AMPH: variants seen among roughly 807,000 people sequenced by gnomAD.
AMPH encodes amphiphysin (Stiff-Mann syndrome with breast cancer 128kD autoantigen).
A neutral mutation model predicts 99.1 loss-of-function variants in AMPH; 49 were observed. That is an observed-to-expected ratio of 0.49 (90% CI 0.39 to 0.63). AMPH has a LOEUF of 0.63. AMPH is among the 20% of genes least tolerant of loss of function. AMPH has a pLI of 0.00. For missense variants in AMPH, 759 were observed against 863.4 expected, an observed-to-expected ratio of 0.88 and a Z score of 1.52; for synonymous variants, 314 against 317.3, an observed-to-expected ratio of 0.99 and a Z score of 0.11.
intron 2 of AMPH, among the ~76,000 whole-genome samples, chr7:38,519,726 C>A (rs1469921137): frequency 6.6e-6 from 1 of 152,082 alleles, no homozygotes; most frequent in African/African-American, 2.4e-5. Flanking sequence ...CTCTGTAGTC[C>A]AGGTTAGGAT....
intron 17 of AMPH, among the ~76,000 whole-genome samples, chr7:38,404,043 C>T (rs116249376): frequency 5.6e-4 from 85 of 152,236 alleles, no homozygotes; most frequent in African/African-American, 1.8e-3. Context: ...AGAAGCTGTG[C>T]CCCAAGGCCA....
intron 11 of AMPH, among the ~76,000 whole-genome samples, chr7:38,446,002 A>G (rs747046151): frequency 3.9e-5 from 6 of 152,192 alleles, no homozygotes; most frequent in African/African-American, 1.4e-4. Flanking sequence ...TGCCTTTGCC[A>G]TGAATAAAAG....
chr7:38,394,151 G>A lies in AMPH; in HGVS notation c.1462C>T (p.Pro488Ser). ...TTCTCCGCCTCTGCTTCCTCTCCTG[G>A]GGCCCCCTCAGCTGCTGACACCAAG... ...GTLVSAAEGA[P>S]GEEAEAEKAT... Residue 488 changes from proline (P) to serine (S), a missense_variant, in exon 18 of 21, where the codon CCA (proline) becomes TCA (serine). By Grantham distance (74) the Pro-to-Ser change is moderately conservative. Transcript: ENST00000356264. The A allele has an allele frequency of 6.2e-7, 1 of 1,614,132 alleles. No homozygotes were observed.
intron 9 of AMPH, among the ~76,000 whole-genome samples, chr7:38,464,432 T>C (rs532812251): frequency 6.6e-6 from 1 of 152,240 alleles, no homozygotes; most frequent in African/African-American, 2.4e-5. Flanking sequence ...TTACATAGTA[T>C]AGAAACCATA....
At chr7:38,488,000 C>T (rs945439031) in intron 5 of AMPH, among the ~76,000 whole-genome samples, 3 of 152,014 alleles carry the variant, frequency 2.0e-5, no homozygotes, top group Admixed American at 6.6e-5. Context: ...GTTAGAATGG[C>T]GATCAATAAA....
intron 11 of AMPH, among the ~76,000 whole-genome samples, chr7:38,437,625 CAAA>C (rs70977404): frequency 3.2e-5 from 3 of 94,862 alleles, no homozygotes; most frequent in Non-Finnish European, 5.9e-5. Context: ...ACTAAAAATA[CAAA>C]AAAAAAAAAA....
chr7:38,418,705 T>C (rs1210096131), intron 16 of AMPH, among the ~76,000 whole-genome samples: 1 of 152,210 alleles, frequency 6.6e-6, no homozygotes, highest in Non-Finnish European at 1.5e-5. Context: ...TTTCATATAA[T>C]AGTTGTTTAA....
At chr7:38,496,232 G>T (rs890535997) in intron 3 of AMPH, among the ~76,000 whole-genome samples, 2 of 152,170 alleles carry the variant, frequency 1.3e-5, no homozygotes, top group African/African-American at 4.8e-5. Context: ...CTAATTCTGG[G>T]TTCAACTGTG....
chr7:38,489,939 T>C (rs907294436), intron 5 of AMPH, among the ~76,000 whole-genome samples: 1 of 152,126 alleles, frequency 6.6e-6, no homozygotes. Context: ...GTATATCTCA[T>C]GTCATATGTT....
intron 14 of AMPH, chr7:38,427,967 C>T: frequency 2.2e-6 from 1 of 456,710 alleles, no homozygotes; most frequent in Non-Finnish European, 4.4e-6. Flanking sequence ...TGCTAGCATT[C>T]CAGGAGGTCC....
intron 12 of AMPH, 142 bp downstream of exon 12, chr7:38,436,130 C>T (rs1199526126): frequency 6.3e-6 from 4 of 637,216 alleles, no homozygotes; most frequent in Middle Eastern, 2.6e-4. Flanking sequence ...CCCCTTTCTA[C>T]CCCTCTTTCC....
intron 2 of AMPH, among the ~76,000 whole-genome samples, chr7:38,521,845 A>G (rs768104318): frequency 5.9e-5 from 9 of 152,154 alleles, no homozygotes; most frequent in Non-Finnish European, 2.9e-5. Flanking sequence ...CTGTGTATCT[A>G]TGTATCTGAG....
At chr7:38,447,360 C>T (rs1786828093) in intron 11 of AMPH, among the ~76,000 whole-genome samples, 1 of 152,194 alleles carries the variant, frequency 6.6e-6, no homozygotes, top group Admixed American at 6.5e-5. Flanking sequence ...TGGCATTTTA[C>T]ACACAAAATT....
At chr7:38,417,006 A>T (rs537837557) in intron 17 of AMPH, among the ~76,000 whole-genome samples, 1 of 152,328 alleles carries the variant, frequency 6.6e-6, no homozygotes, top group East Asian at 1.9e-4. Flanking sequence ...TTGGTAATAG[A>T]GAAATTGTTT....
intron 1 of AMPH, among the ~76,000 whole-genome samples, chr7:38,622,017 T>G (rs1267977227): frequency 6.6e-6 from 1 of 152,200 alleles, no homozygotes; most frequent in Admixed American, 6.5e-5. Context: ...CACTTCAATT[T>G]TGCATGATGC....
chr7:38,539,010 C>A (rs1214196280), intron 1 of AMPH, among the ~76,000 whole-genome samples: 1 of 152,044 alleles, frequency 6.6e-6, no homozygotes, highest in Non-Finnish European at 1.5e-5. Flanking sequence ...TAAGAAAGCC[C>A]AGAGAAAATA....
At chr7:38,465,639 A>G (rs1373080475) in intron 8 of AMPH, 90 bp from the exon 9 acceptor site, 9 of 1,155,332 alleles carry the variant, frequency 7.8e-6, no homozygotes, top group Non-Finnish European at 1.0e-5. Flanking sequence ...TTGCTTATTG[A>G]GAAGCTATAA....
At chr7:38,614,998 C>T (rs1269585013) in intron 1 of AMPH, among the ~76,000 whole-genome samples, 4 of 152,144 alleles carry the variant, frequency 2.6e-5, no homozygotes, top group Admixed American at 2.0e-4. Flanking sequence ...AGGCATAAAA[C>T]CTTTTCAGGT....
intron 6 of AMPH, among the ~76,000 whole-genome samples, chr7:38,476,267 G>C (rs1332001453): frequency 2.0e-5 from 3 of 152,122 alleles, no homozygotes; most frequent in African/African-American, 7.2e-5. Flanking sequence ...AGAGGCAATA[G>C]AAACCATTAA....
Sources: allele counts gnomAD v4.1 joint callset (sites outside exome capture counted in the v4.1 genomes callset), GRCh38; gene constraint gnomAD v4.1.1; transcripts MANE v1.5; gene names NCBI Gene and HGNC (gene_info 2026-07-23, HGNC 2026-07-21).